CMTM4: variants seen among roughly 807,000 people sequenced by gnomAD.
The protein encoded by CMTM4 is CKLF like MARVEL transmembrane domain containing 4.
A neutral mutation model predicts 19.0 loss-of-function variants in CMTM4; 8 were observed. That is an observed-to-expected ratio of 0.42 (90% confidence interval 0.25 to 0.76). The LOEUF (loss-of-function observed/expected upper bound fraction) is 0.76, where lower values mean the gene tolerates loss of function less well. Among genes scored for constraint, CMTM4 ranks in the 30% least tolerant of loss-of-function variants. The pLI is 0.27. For synonymous variants in CMTM4, 106 were observed against 121.1 expected (o/e 0.88, Z 0.82); for missense variants, 228 against 290.2 (o/e 0.79, Z 1.56).
intron 1 of CMTM4, among the ~76,000 whole-genome samples, chr16:66,670,532 T>C (rs745775619): frequency 6.6e-6 from 1 of 151,708 alleles, no homozygotes; most frequent in Non-Finnish European, 1.5e-5. Context: ...CCAGGCACGA[T>C]GGCTCACGCC....
chr16:66,660,405 A>C (rs1372471390), intron 1 of CMTM4, among the ~76,000 whole-genome samples: 1 of 151,248 alleles, frequency 6.6e-6, no homozygotes, highest in East Asian at 1.9e-4. Flanking sequence ...AAAAAAAAAA[A>C]ACAAAACTCC....
the CMTM4 span, among the ~76,000 whole-genome samples, chr16:66,600,597 C>G: frequency 1.3e-5 from 2 of 152,156 alleles, no homozygotes; most frequent in East Asian, 3.9e-4. Flanking sequence ...CAGCTCCCCC[C>G]ATCTTCCCCC....
At chr16:66,680,773 C>CAAAAA (rs35127974) in intron 1 of CMTM4, among the ~76,000 whole-genome samples, 4 of 32,256 alleles carry the variant, frequency 1.2e-4, no homozygotes, top group South Asian at 1.2e-3. Context: ...GACTCCGTCT[C>CAAAAA]AAAAAAAAAA....
the CMTM4 span, among the ~76,000 whole-genome samples, chr16:66,602,429 G>A: frequency 2.6e-5 from 4 of 152,056 alleles, no homozygotes; most frequent in Non-Finnish European, 5.9e-5. Context: ...AGGTCCACAC[G>A]TGTTTGTGTC....
intron 2 of CMTM4, among the ~76,000 whole-genome samples, chr16:66,634,083 C>T (rs1341696658): frequency 6.6e-6 from 1 of 152,076 alleles, no homozygotes; most frequent in Non-Finnish European, 1.5e-5. Context: ...GTGTGGTAGT[C>T]AACAAGTGGA....
At chr16:66,605,934 C>T in the CMTM4 span, among the ~76,000 whole-genome samples, 9 of 152,068 alleles carry the variant, frequency 5.9e-5, no homozygotes, top group African/African-American at 1.9e-4. The surrounding 1 kb of genome is among the most constrained non-coding windows in gnomAD (Gnocchi z 4.6). Flanking sequence ...TGCCACACTC[C>T]GAGCCCACAC....
At chr16:66,612,373 C>A (rs1390659228), downstream of CMTM4, among the ~76,000 whole-genome samples, 3 of 151,948 alleles carry the variant, frequency 2.0e-5, no homozygotes, top group Non-Finnish European at 4.4e-5. The surrounding 1 kb of genome is among the most constrained non-coding windows in gnomAD (Gnocchi z 6.0). Flanking sequence ...GACTCTGTCT[C>A]AAAGACAAAA....
chr16:66,671,664 G>A (rs1165315575), intron 1 of CMTM4, among the ~76,000 whole-genome samples: 1 of 152,072 alleles, frequency 6.6e-6, no homozygotes, highest in Admixed American at 6.6e-5. Flanking sequence ...TGACCCAGGG[G>A]CACCAACCCA....
chr16:66,639,188 T>C (rs1341662750), intron 1 of CMTM4, among the ~76,000 whole-genome samples: 1 of 152,166 alleles, frequency 6.6e-6, no homozygotes, highest in Non-Finnish European at 1.5e-5. Context: ...ACAAAAGAAA[T>C]AGTTCACATA....
chr16:66,683,174 T>TAC (rs1232852696), intron 1 of CMTM4, among the ~76,000 whole-genome samples: 6 of 83,670 alleles, frequency 7.2e-5, no homozygotes, highest in African/African-American at 2.3e-4. Context: ...TATATATATA[T>TAC]ACATATGTAT....
At chr16:66,639,669 G>A (rs1309474508) in intron 1 of CMTM4, among the ~76,000 whole-genome samples, 1 of 152,078 alleles carries the variant, frequency 6.6e-6, no homozygotes. Flanking sequence ...GATTGCTTGA[G>A]GCCAGGAGTT....
intron 2 of CMTM4, among the ~76,000 whole-genome samples, chr16:66,633,069 G>C (rs1262023081): frequency 7.5e-6 from 1 of 134,144 alleles, no homozygotes; most frequent in Non-Finnish European, 1.5e-5. Context: ...TGGGCAACAA[G>C]AGCGAAACTC....
chr16:66,645,872 G>A (rs543632105), intron 1 of CMTM4, among the ~76,000 whole-genome samples: 4 of 151,990 alleles, frequency 2.6e-5, no homozygotes, highest in South Asian at 2.1e-4. Context: ...ACAGCTACTC[G>A]GGAGGCTGAG....
intron 1 of CMTM4, among the ~76,000 whole-genome samples, chr16:66,682,800 T>C (rs922026819): frequency 4.6e-5 from 7 of 152,120 alleles, no homozygotes; most frequent in African/African-American, 9.7e-5. Context: ...GCCTGAAAAG[T>C]GTCTCTTGAA....
chr16:66,617,083 A>G lies in CMTM4; in HGVS notation c.*4975T>C. On this transcript the variant is annotated 3_prime_UTR_variant, in exon 4 of 4. Transcript: ENST00000394106. The stretch of plus-strand genomic sequence containing the variant: ...CCTAAACTCAAACTTTAAAAGTTTC[A>G]ATAGCTCCCTGGGGGTCCAAGCCAA... 2.0e-6 allele frequency: 1 copy of G among 494,750 alleles called. No homozygotes were observed. The highest frequency in any genetic ancestry group is 3.5e-6 in the Non-Finnish European group (1 of 282,942). 30.6% of individuals were successfully genotyped at this position (494,750 alleles called of 1,614,324 possible). A position where few individuals can be genotyped will look rare whatever the true frequency, so the allele number is the denominator to read the frequency against.
chr16:66,683,286 CTTTTTTTTTTTTTT>C (rs781263895), intron 1 of CMTM4, among the ~76,000 whole-genome samples: 1 of 78,840 alleles, frequency 1.3e-5, no homozygotes, highest in Non-Finnish European at 2.4e-5. Flanking sequence ...TTTTTCTTTT[CTTTTTTTTTTTTTT>C]TTTTTTTTTG....
chr16:66,602,462 T>C, the CMTM4 span, among the ~76,000 whole-genome samples: 2 of 152,198 alleles, frequency 1.3e-5, no homozygotes, highest in Non-Finnish European at 1.5e-5. Flanking sequence ...CAGATTTTTA[T>C]TCACCCTATA....
chr16:66,627,687 C>A (rs1306967137), intron 2 of CMTM4, among the ~76,000 whole-genome samples: 1 of 151,996 alleles, frequency 6.6e-6, no homozygotes, highest in Non-Finnish European at 1.5e-5. Context: ...ACATTTCATA[C>A]AAATAGAATG....
chr16:66,622,321 C>T lies in CMTM4; in HGVS notation c.463-99G>A. 7.5e-7 allele frequency: 1 copy of T among 1,333,488 alleles called. No homozygotes were observed. The highest frequency in any genetic ancestry group is 1.0e-6 in the Non-Finnish European group (1 of 965,354). The allele number at this position is 1,333,488 out of a possible 1,614,324, so 82.6% of individuals were successfully genotyped here. ...CACATGCAGCCCCTTCCTGCTCTGC[C>T]AGCTGATCATTACAACCCTGTGCCT... is the stretch of plus-strand genomic sequence containing the variant. On this transcript the variant is annotated intron_variant, in intron 3 of 3. Transcript: ENST00000394106. The surrounding 1 kb of genome is among the most constrained non-coding windows in gnomAD (Gnocchi z 4.0).
Sources: allele counts gnomAD v4.1 joint callset (sites outside exome capture counted in the v4.1 genomes callset), GRCh38; gene constraint gnomAD v4.1.1; non-coding constraint Gnocchi (gnomAD v3.1); transcripts MANE v1.5; gene names NCBI Gene and HGNC (gene_info 2026-07-23, HGNC 2026-07-21).